The following DPY19L2 variants were observed in gnomAD, a reference collection of about 807,000 sequenced individuals.
DPY19L2 encodes probable C-mannosyltransferase DPY19L2.
DPY19L2 carries 34 observed loss-of-function variants against 97.9 expected under a neutral mutation model. The observed-to-expected ratio is 0.35, with a 90% CI of 0.26 to 0.46. DPY19L2 has a LOEUF of 0.46. Among genes scored for constraint, DPY19L2 ranks in the 20% least tolerant of loss-of-function variants. DPY19L2 has a pLI of 1.00. For synonymous variants in DPY19L2, 230 were observed against 307.9 expected (o/e 0.75, Z 2.65); for missense variants, 623 against 911.4 (o/e 0.68, Z 4.07).
chr12:63,659,411 T>C (rs914053962), intron 4 of DPY19L2, among the ~76,000 whole-genome samples: 26 of 151,438 alleles, frequency 1.7e-4, no homozygotes, highest in Non-Finnish European at 3.5e-4. Flanking sequence ...TTCAATATTG[T>C]TAAGATGTCA....
In DPY19L2 at chr12:63,570,647, T is replaced by TTGTGTGTG. The variant is rs34668144; in HGVS notation, c.2000+103_2000+110dup. 1,127 of 565,816 alleles carry TTGTGTGTG rather than the reference T, an allele frequency of 2.0e-3. 12 individuals are homozygous for TTGTGTGTG. The African/African-American group carries it at 0.02, about 10-fold the overall frequency. 35.0% of individuals were successfully genotyped at this position (565,816 alleles called of 1,614,324 possible). On this transcript the variant is annotated intron_variant, in intron 20 of 21. Coordinates refer to ENST00000324472, the MANE Select transcript of DPY19L2 (RefSeq NM_173812.5). Reference sequence around the variant, plus strand: ...TTCCAGTATGAAAATGAGGATGAGTTTGTGTGTGTGTGTGTGTGTGTGTGT... The same window carrying TTGTGTGTG: ...TTCCAGTATGAAAATGAGGATGAGTTTGTGTGTGTGTGTGTGTGTGTGTGTGTGTGTGT...
chr12:63,652,026 C>G (rs1383541645), intron 4 of DPY19L2: 1 of 200,732 alleles, frequency 5.0e-6, no homozygotes, highest in African/African-American at 2.3e-5. Flanking sequence ...CCACATGTCC[C>G]CTGAGCCCAG....
intron 11 of DPY19L2, among the ~76,000 whole-genome samples, chr12:63,615,712 A>G (rs533412099): frequency 3.9e-4 from 60 of 152,324 alleles, no homozygotes; most frequent in African/African-American, 1.4e-3. Context: ...CTGGAAAGTT[A>G]CTATCATAGC....
At position 63,621,317 on chromosome 12, in the gene DPY19L2, CTTCT is replaced by C; in HGVS notation, c.970_973del (p.Arg324GlyfsTer28). 1 of 970,090 alleles carries C rather than the reference CTTCT, an allele frequency of 1.0e-6. No individual in the cohort carries two copies. The highest frequency in any genetic ancestry group is 1.5e-5 in the South Asian group (1 of 68,638). 60.1% of individuals were successfully genotyped at this position (970,090 alleles called of 1,614,324 possible). On this transcript the variant is annotated frameshift_variant, in exon 9 of 22. Coordinates refer to ENST00000324472, the MANE Select transcript of DPY19L2 (RefSeq NM_173812.5). LOFTEE classifies it high-confidence loss of function. Reference sequence around the variant, plus strand: ...GGAAAGACAGAGTGCAATGAAGGGCCTTCTATCATTGCTTGAGGTCCTTAATAGA... The same window carrying C: ...GGAAAGACAGAGTGCAATGAAGGGCCATCATTGCTTGAGGTCCTTAATAGA...
chr12:63,582,221 A>C (rs1334117840), intron 18 of DPY19L2, among the ~76,000 whole-genome samples, 185 bp downstream of exon 18: 2 of 152,148 alleles, frequency 1.3e-5, no homozygotes. Context: ...TACTTTTCAA[A>C]GCCACTTGAA....
chr12:63,583,945 C>G (rs1881364855), intron 16 of DPY19L2, 109 bp from the exon 17 acceptor site: 1 of 810,062 alleles, frequency 1.2e-6, no homozygotes, highest in African/African-American at 1.7e-5. Context: ...GTGACTATCT[C>G]TAAACTACTT....
At chr12:63,667,936 G>C (rs756290796) in intron 1 of DPY19L2, 121 bp downstream of exon 1, 383 of 1,194,550 alleles carry the variant, frequency 3.2e-4, no homozygotes, top group Non-Finnish European at 4.2e-4. Flanking sequence ...CTTTCTACTC[G>C]GACCTTGCTA....
At chr12:63,598,739 C>T (rs1592508916) in intron 13 of DPY19L2, among the ~76,000 whole-genome samples, 2 of 152,000 alleles carry the variant, frequency 1.3e-5, no homozygotes, top group East Asian at 3.9e-4. Context: ...TAGAGTTGCA[C>T]TTTATTTTTC....
At chr12:63,568,751 G>C (rs1878243229) in intron 21 of DPY19L2, among the ~76,000 whole-genome samples, 1 of 151,948 alleles carries the variant, frequency 6.6e-6, no homozygotes, top group African/African-American at 2.4e-5. Context: ...ACACACCTTA[G>C]AATTTTATGA....
rs1881359440 is a variant in DPY19L2, at chr12:63,583,908, A to G, written c.1581-72T>C. On this transcript the variant is annotated intron_variant, in intron 16 of 21. Coordinates refer to ENST00000324472, the MANE Select transcript of DPY19L2 (RefSeq NM_173812.5). ...CTATGAATACATAAAAATAAGCTTCATTTGCTTGATCTTAGATTTTTAAAA... is the reference window on the plus strand; with the variant it reads ...CTATGAATACATAAAAATAAGCTTCGTTTGCTTGATCTTAGATTTTTAAAA... 3.0e-6 allele frequency: 4 copies of G among 1,318,666 alleles called. No homozygotes were observed. In the South Asian group the frequency reaches 5.3e-5, roughly 17 times the overall value. 81.7% of individuals were successfully genotyped at this position (1,318,666 alleles called of 1,614,324 possible). A position where few individuals can be genotyped will look rare whatever the true frequency, so the allele number is the denominator to read the frequency against.
intron 6 of DPY19L2, among the ~76,000 whole-genome samples, chr12:63,637,249 T>C (rs10082726): frequency 0.69 from 105,465 of 151,940 alleles, 37,167 homozygotes; most frequent in African/African-American, 0.81. Flanking sequence ...AGAACAAAGA[T>C]ACAACATACC....
At chr12:63,645,494 T>C (rs1218020548) in intron 5 of DPY19L2, among the ~76,000 whole-genome samples, 2 of 152,086 alleles carry the variant, frequency 1.3e-5, no homozygotes, top group Non-Finnish European at 2.9e-5. Context: ...ACTTTCTCCT[T>C]ATTCTTATAG....
At chr12:63,637,837 A>G (rs1892004398) in intron 6 of DPY19L2, among the ~76,000 whole-genome samples, 1 of 151,916 alleles carries the variant, frequency 6.6e-6, no homozygotes, top group Admixed American at 6.6e-5. Context: ...AAAAAGAGGG[A>G]CTCCTCCCTA....
At chr12:63,650,055 A>T (rs975037214) in intron 4 of DPY19L2, among the ~76,000 whole-genome samples, 3 of 152,142 alleles carry the variant, frequency 2.0e-5, no homozygotes, top group Admixed American at 6.5e-5. Context: ...ACATAAAAGA[A>T]CTAAAAAAAA....
Position 63,617,530 on chromosome 12 carries a change from C to G in DPY19L2, c.1132-140G>C, listed in dbSNP as rs1234387523. 1.2e-5 allele frequency: 7 copies of G among 561,758 alleles called. No homozygotes were observed. The East Asian group carries it at 2.3e-4, about 18-fold the overall frequency. 34.8% of individuals were successfully genotyped at this position (561,758 alleles called of 1,614,324 possible). A position where few individuals can be genotyped will look rare whatever the true frequency, so the allele number is the denominator to read the frequency against. On this transcript the variant is annotated intron_variant, in intron 10 of 21. Coordinates refer to ENST00000324472, the MANE Select transcript of DPY19L2 (RefSeq NM_173812.5). ...TCTTGGCCAAATGATAACAGAATTT[C>G]AAGTCACTGCTAGATTCTAAGTATT...
At chr12:63,655,744 C>T (rs200638052) in intron 4 of DPY19L2, among the ~76,000 whole-genome samples, 3 of 144,474 alleles carry the variant, frequency 2.1e-5, no homozygotes, top group African/African-American at 7.6e-5. Context: ...AAGGAAGGGT[C>T]GGGGGGTGGG....
chr12:63,602,759 C>T (rs1847034850), intron 12 of DPY19L2, among the ~76,000 whole-genome samples: 1 of 151,842 alleles, frequency 6.6e-6, no homozygotes, highest in Admixed American at 6.6e-5. Flanking sequence ...TTTTAAGAAA[C>T]TTTAAAAATT....
chr12:63,588,466 T>G (rs1169871221), intron 16 of DPY19L2, among the ~76,000 whole-genome samples: 1 of 152,168 alleles, frequency 6.6e-6, no homozygotes, highest in Non-Finnish European at 1.5e-5. Context: ...AATGTTATAC[T>G]TATAGTCCAC....
rs190696357 is a variant in DPY19L2, at chr12:63,583,894, T to C, written c.1581-58A>G. 193 of 1,440,338 alleles carry C rather than the reference T, an allele frequency of 1.3e-4. No homozygotes were observed. The African/African-American group carries it at 2.3e-3, about 17-fold the overall frequency. 89.2% of individuals were successfully genotyped at this position (1,440,338 alleles called of 1,614,324 possible). A position where few individuals can be genotyped will look rare whatever the true frequency, so the allele number is the denominator to read the frequency against. The stretch of plus-strand genomic sequence containing the variant: ...GAAGGTCTTTTATACTATGAATACA[T>C]AAAAATAAGCTTCATTTGCTTGATC... On this transcript the variant is annotated intron_variant, in intron 16 of 21. Transcript: ENST00000324472.
Sources: gnomAD v4.1 joint callset for allele counts (sites outside exome capture counted in the v4.1 genomes callset) on GRCh38, gnomAD v4.1.1 for gene constraint, MANE v1.5 for transcripts, NCBI Gene and HGNC (gene_info 2026-07-23, HGNC 2026-07-21) for gene names.